Variants in POU3F3 observed in about 807,000 individuals in gnomAD.
POU3F3 encodes the protein POU class 3 homeobox 3, also known as POU domain, class 3, transcription factor 3.
POU3F3 carries 1 observed loss-of-function variant against 8.6 expected under a neutral mutation model. That is an observed-to-expected ratio of 0.12 (90% confidence interval 0.04 to 0.55). POU3F3 has a LOEUF of 0.55. Among genes scored for constraint, POU3F3 ranks in the 20% least tolerant of loss-of-function variants. The pLI is 0.91. For synonymous variants in POU3F3, 418 were observed against 327.4 expected (o/e 1.28, Z -2.99); for missense variants, 577 against 690.7 (o/e 0.84, Z 1.84).
the POU3F3 span, among the ~76,000 whole-genome samples, chr2:104,889,395 C>T: frequency 6.6e-5 from 10 of 152,190 alleles, no homozygotes; most frequent in African/African-American, 2.4e-4. Context: ...AGAGGAGGGG[C>T]CAGGCTCCTC....
At chr2:104,864,943 T>A in the POU3F3 span, among the ~76,000 whole-genome samples, 8 of 152,266 alleles carry the variant, frequency 5.3e-5, no homozygotes, top group Non-Finnish European at 7.3e-5. Context: ...TGTGTGTCTG[T>A]GTGCGCGCAC....
At chr2:104,900,146 GA>G in the POU3F3 span, among the ~76,000 whole-genome samples, 1 of 152,226 alleles carries the variant, frequency 6.6e-6, no homozygotes, top group Non-Finnish European at 1.5e-5. Context: ...GTGACTCTAG[GA>G]TGGGAGACTG....
At chr2:104,913,518 G>A in the POU3F3 span, among the ~76,000 whole-genome samples, 1 of 152,086 alleles carries the variant, frequency 6.6e-6, no homozygotes, top group Non-Finnish European at 1.5e-5. Flanking sequence ...AAAAATGCAG[G>A]TACTATCAGA....
chr2:104,926,148 C>G, the POU3F3 span: 2 of 152,104 alleles, frequency 1.3e-5, no homozygotes, highest in Non-Finnish European at 2.9e-5. Context: ...AAAAGAAACT[C>G]TCATTGGAGT....
At chr2:104,867,492 G>C in the POU3F3 span, 1 of 152,414 alleles carries the variant, frequency 6.6e-6, no homozygotes, top group Non-Finnish European at 1.5e-5. This position sits in a 1 kb window ranked among gnomAD's most constrained non-coding sequence, Gnocchi z 5.0. Context: ...CTGTTCCCCC[G>C]GGCTCCGCAG....
the POU3F3 span, among the ~76,000 whole-genome samples, chr2:104,920,945 G>A: frequency 6.6e-6 from 1 of 151,936 alleles, no homozygotes. Context: ...GTTCCAAGCA[G>A]CAGGATCAGG....
the POU3F3 span, among the ~76,000 whole-genome samples, chr2:104,895,808 T>G: frequency 6.6e-6 from 1 of 152,232 alleles, no homozygotes; most frequent in Non-Finnish European, 1.5e-5. Context: ...AGCATTTCTG[T>G]AACTACTTAG....
At chr2:104,906,541 C>T in the POU3F3 span, among the ~76,000 whole-genome samples, 1 of 152,114 alleles carries the variant, frequency 6.6e-6, no homozygotes, top group East Asian at 1.9e-4. Flanking sequence ...TCCAGATAAA[C>T]CTTGGTGTCC....
At chr2:104,864,050 AC>A in the POU3F3 span, among the ~76,000 whole-genome samples, 4 of 152,166 alleles carry the variant, frequency 2.6e-5, no homozygotes, top group Non-Finnish European at 5.9e-5. Flanking sequence ...AAACTCGAGC[AC>A]CCTACAGGCA....
At chr2:104,896,596 C>T in the POU3F3 span, among the ~76,000 whole-genome samples, 3 of 151,882 alleles carry the variant, frequency 2.0e-5, no homozygotes, top group Admixed American at 6.6e-5. Flanking sequence ...ATGAGGCATC[C>T]TCAGGAAAGG....
rs146479913 is a variant in POU3F3, at chr2:104,857,858, T to A, written c.*845T>A. On this transcript the variant is annotated 3_prime_UTR_variant, in exon 1 of 1. Coordinates refer to ENST00000361360, the MANE Select transcript of POU3F3 (RefSeq NM_006236.3). The stretch of plus-strand genomic sequence containing the variant: ...CAAAGTAACCTTGGAAATAAAAGGA[T>A]CGGGAAGGAGCAGAGGGAGAGGGGG... 1 of 151,970 alleles carries A rather than the reference T, an allele frequency of 6.6e-6. No homozygotes were observed. The highest frequency in any genetic ancestry group is 1.5e-5 in the Non-Finnish European group (1 of 67,914). 9.4% of individuals were successfully genotyped at this position (151,970 alleles called of 1,614,324 possible). A position where few individuals can be genotyped will look rare whatever the true frequency, so the allele number is the denominator to read the frequency against.
chr2:104,909,114 A>C, the POU3F3 span, among the ~76,000 whole-genome samples: 15 of 152,220 alleles, frequency 9.9e-5, no homozygotes, highest in African/African-American at 2.9e-4. Context: ...CTTCTTGAAA[A>C]CAGCACCAGA....
At chr2:104,885,879 C>A in the POU3F3 span, among the ~76,000 whole-genome samples, 1 of 152,174 alleles carries the variant, frequency 6.6e-6, no homozygotes, top group East Asian at 1.9e-4. Context: ...CTCACTGAAA[C>A]CTCTGCCTCC....
At chr2:104,864,900 G>A in the POU3F3 span, among the ~76,000 whole-genome samples, 2 of 152,226 alleles carry the variant, frequency 1.3e-5, no homozygotes, top group Non-Finnish European at 2.9e-5. Flanking sequence ...CAGTGGAAAT[G>A]GACTGTTAAT....
the POU3F3 span, among the ~76,000 whole-genome samples, chr2:104,872,944 T>G: frequency 6.6e-6 from 1 of 152,122 alleles, no homozygotes; most frequent in Non-Finnish European, 1.5e-5. This position sits in a 1 kb window ranked among gnomAD's most constrained non-coding sequence, Gnocchi z 4.6. Context: ...GTTAAACAGT[T>G]ATTTTAAAAT....
At chr2:104,853,554 A>T (rs1676484412), upstream of POU3F3, 1 of 152,496 alleles carries the variant, frequency 6.6e-6, no homozygotes, top group South Asian at 2.1e-4. Flanking sequence ...ACCACTGGGG[A>T]CACATCTGTC....
the POU3F3 span, among the ~76,000 whole-genome samples, chr2:104,893,279 G>A: frequency 1.3e-5 from 2 of 152,140 alleles, no homozygotes; most frequent in Non-Finnish European, 2.9e-5. Flanking sequence ...CAGTGTGATG[G>A]ATCCCTCGTC....
the POU3F3 span, among the ~76,000 whole-genome samples, chr2:104,918,697 C>G: frequency 1.8e-5 from 2 of 113,488 alleles, no homozygotes; most frequent in East Asian, 5.3e-4. Context: ...GCCAATCCTG[C>G]CAACACCTGG....
chr2:104,878,699 C>T, the POU3F3 span, among the ~76,000 whole-genome samples: 1 of 152,086 alleles, frequency 6.6e-6, no homozygotes, highest in African/African-American at 2.4e-5. Context: ...TGCCAGTCAC[C>T]CCATCCTTAC....
Sources: allele counts gnomAD v4.1 joint callset (sites outside exome capture counted in the v4.1 genomes callset), GRCh38; gene constraint gnomAD v4.1.1; non-coding constraint Gnocchi (gnomAD v3.1); transcripts MANE v1.5; gene names NCBI Gene and HGNC (gene_info 2026-07-23, HGNC 2026-07-21).